The following FAM120A variants were observed in gnomAD, a reference collection of about 807,000 sequenced individuals.
The protein encoded by FAM120A is constitutive coactivator of PPAR-gamma-like protein 1.
Under a neutral mutation model 109.7 loss-of-function variants are expected in FAM120A, and 15 were observed. The observed-to-expected ratio is 0.14, with a 90% CI of 0.09 to 0.21. FAM120A has a LOEUF of 0.21. Ranked by LOEUF, FAM120A falls within the 10% of genes least tolerant of loss-of-function variation. The pLI is 1.00. For missense variants in FAM120A, 899 were observed against 1,439.3 expected (o/e 0.62, Z 6.07); for synonymous variants, 493 against 572.8 (o/e 0.86, Z 1.99).
At position 93,488,718 on chromosome 9, in the gene FAM120A, C is replaced by T. The variant is rs139911419; in HGVS notation, c.805-8753C>T. 9.9e-5 allele frequency among the ~76,000 whole-genome samples: 15 copies of T among 152,208 alleles called. No homozygotes were observed. In the East Asian group the frequency reaches 2.9e-3, roughly 29 times the overall value. On this transcript the variant is annotated intron_variant, in intron 3 of 17. Transcript: ENST00000277165. ...TACCACCACCGACCCTGCCATTCAT[C>T]CAAGGTAGAACTTGGGAGTCATCTT...
intron 3 of FAM120A, among the ~76,000 whole-genome samples, chr9:93,479,266 T>G (rs936811660): frequency 9.2e-5 from 14 of 151,788 alleles, no homozygotes; most frequent in Admixed American, 9.2e-4. Context: ...GCCCGGCTAA[T>G]TTTTTGTATT....
rs551283291 is a variant in FAM120A, at chr9:93,521,888, G to A, written c.1419-5267G>A. ...AGATCACTTGAGGTCAGAAGTTCAA[G>A]ACCAACATGGTGAAACCCTTTCTCT... On this transcript the variant is annotated intron_variant, in intron 7 of 17. Coordinates refer to ENST00000277165, the MANE Select transcript of FAM120A (RefSeq NM_014612.5). Among the ~76,000 whole-genome samples the A allele has an allele frequency of 4.4e-4, 67 of 152,298 alleles. 1 individual carries two copies. The highest frequency in any genetic ancestry group is 3.4e-3 in the Middle Eastern group (1 of 294).
intron 1 of FAM120A, among the ~76,000 whole-genome samples, chr9:93,465,138 C>T (rs1159000367): frequency 6.6e-6 from 1 of 152,276 alleles, no homozygotes; most frequent in African/African-American, 2.4e-5. Context: ...CAGTACTTAA[C>T]GTTTATTCTT....
chr9:93,516,259 G>A lies in FAM120A; in HGVS notation c.1408G>A (p.Gly470Arg). 6.2e-7 allele frequency: 1 copy of A among 1,611,148 alleles called. No individual in the cohort carries two copies. Among genetic ancestry groups the A allele is most frequent in the Non-Finnish European group, 8.5e-7 (1 of 1,178,038 alleles). ...SSSDNDEGSG[G>R]ATNHISGNKI... Reference sequence around the variant, plus strand: ...TTCCGACAACGACGAGGGCAGCGGAGGGGCGACAAAGTGAGTGGTGCGTGG... The same window carrying A: ...TTCCGACAACGACGAGGGCAGCGGAAGGGCGACAAAGTGAGTGGTGCGTGG... Residue 470 changes from glycine to arginine, a missense_variant, in exon 7 of 18, where the codon GGG becomes AGG. This residue lies in a region of FAM120A where 31 missense variants were observed against 71.8 expected (regional missense o/e 0.43). Transcript: ENST00000277165.
chr9:93,478,105 A>C (rs893908662), intron 3 of FAM120A, among the ~76,000 whole-genome samples: 1 of 152,224 alleles, frequency 6.6e-6, no homozygotes, highest in Non-Finnish European at 1.5e-5. Flanking sequence ...CTTCCTAAAA[A>C]TAAGGACATT....
chr9:93,481,897 C>T (rs1021945444), intron 3 of FAM120A, among the ~76,000 whole-genome samples: 81 of 152,286 alleles, frequency 5.3e-4, no homozygotes, highest in African/African-American at 1.8e-3. Context: ...GGTCCTGGGC[C>T]AGGCTGCACC....
At position 93,452,566 on chromosome 9, in the gene FAM120A, G is replaced by A; in HGVS notation, c.474+177G>A. The A allele has an allele frequency of 6.3e-7, 1 of 1,590,426 alleles. No homozygotes were observed. Among genetic ancestry groups the A allele is most frequent in the Non-Finnish European group, 8.5e-7 (1 of 1,175,414 alleles). ...GCAAGATGGATGGCCGCGGGTGCAG[G>A]CCGCGCGCTGCCCAAGCCCGTCTCC... is the stretch of plus-strand genomic sequence containing the variant. On this transcript the variant is annotated intron_variant, in intron 1 of 17. Coordinates refer to ENST00000277165, the MANE Select transcript of FAM120A (RefSeq NM_014612.5). This position sits in a 1 kb window ranked among gnomAD's most constrained non-coding sequence, Gnocchi z 7.0.
chr9:93,504,506 C>T (rs754474955), intron 5 of FAM120A, among the ~76,000 whole-genome samples: 6 of 152,106 alleles, frequency 3.9e-5, no homozygotes, highest in Non-Finnish European at 8.8e-5. Flanking sequence ...ATAATTTTAT[C>T]GTGTCTGTAT....
intron 1 of FAM120A, among the ~76,000 whole-genome samples, chr9:93,460,339 A>G: frequency 6.6e-6 from 1 of 152,038 alleles, no homozygotes. Context: ...TTCATCGTTT[A>G]TTTCCTTTTC....
At position 93,558,717 on chromosome 9, in the gene FAM120A, C is replaced by T. The variant is rs946303266; in HGVS notation, c.2805C>T (p.Gly935=). ...SDSSRTSKSQ[G]GVQPIPSQGG... The stretch of plus-strand genomic sequence containing the variant: ...GCAGCAGGACTAGCAAGTCCCAGGG[C>T]GGTAATTATACCCACCCCTTCCCAG... Residue 935 remains glycine, a splice_region_variant and synonymous_variant, in exon 15 of 18, where the codon GGC becomes GGT. Transcript: ENST00000277165. 6.2e-6 allele frequency: 10 copies of T among 1,613,470 alleles called. No individual in the cohort carries two copies. Among genetic ancestry groups the T allele is most frequent in the Admixed American group, 3.3e-5 (2 of 59,994 alleles).
Position 93,532,412 on chromosome 9 carries a change from T to C in FAM120A, c.1909+83T>C. The C allele has an allele frequency of 6.7e-7, 1 of 1,499,184 alleles. No homozygotes were observed. Among genetic ancestry groups the C allele is most frequent in the Admixed American group, 1.7e-5 (1 of 59,612 alleles). The allele number at this position is 1,499,184 out of a possible 1,614,324, so 92.9% of individuals were successfully genotyped here. A position where few individuals can be genotyped will look rare whatever the true frequency, so the allele number is the denominator to read the frequency against. On this transcript the variant is annotated intron_variant, in intron 10 of 17. Coordinates refer to ENST00000277165, the MANE Select transcript of FAM120A (RefSeq NM_014612.5). This position sits in a 1 kb window ranked among gnomAD's most constrained non-coding sequence, Gnocchi z 4.3. ...ATTTTCTAAAGCCTTAGAAGAATCA[T>C]GACTGAGTTGACCCCGAGTGCCTCT...
At chr9:93,547,900 A>C (rs1861945569) in intron 11 of FAM120A, among the ~76,000 whole-genome samples, 1 of 152,164 alleles carries the variant, frequency 6.6e-6, no homozygotes, top group African/African-American at 2.4e-5. Context: ...TGTATCCAGC[A>C]AGGTGTTCAG....
At chr9:93,497,384 C>G in intron 3 of FAM120A, 87 bp from the exon 4 acceptor site, 3 of 1,532,168 alleles carry the variant, frequency 2.0e-6, no homozygotes, top group Non-Finnish European at 2.7e-6. Flanking sequence ...ATGGTAGCTC[C>G]TTGTTGAATT....
Position 93,452,796 on chromosome 9 carries a change from A to C in FAM120A, c.474+407A>C. ...ATTTAGCCTGTTCTTTCCCAGCAACAGGTTCATCTTGGAAGCAGGCAGGAT... is the reference window on the plus strand; with the variant it reads ...ATTTAGCCTGTTCTTTCCCAGCAACCGGTTCATCTTGGAAGCAGGCAGGAT... On this transcript the variant is annotated intron_variant, in intron 1 of 17. Coordinates refer to ENST00000277165, the MANE Select transcript of FAM120A (RefSeq NM_014612.5). This position sits in a 1 kb window ranked among gnomAD's most constrained non-coding sequence, Gnocchi z 7.0. 1 of 1,590,238 alleles carries C rather than the reference A, an allele frequency of 6.3e-7. No individual in the cohort carries two copies. The highest frequency in any genetic ancestry group is 1.1e-5 in the South Asian group (1 of 89,738).
At chr9:93,557,409 C>T (rs970288977) in intron 13 of FAM120A, among the ~76,000 whole-genome samples, 10 of 152,080 alleles carry the variant, frequency 6.6e-5, no homozygotes, top group Admixed American at 2.6e-4. Flanking sequence ...GGATTACAGG[C>T]GTGAGCTGTT....
chr9:93,531,799 C>G, intron 9 of FAM120A, among the ~76,000 whole-genome samples: 1 of 152,228 alleles, frequency 6.6e-6, no homozygotes. Context: ...ACCATCCCAA[C>G]TCTCTAAATA....
At chr9:93,462,560 G>A (rs1241939063) in intron 1 of FAM120A, among the ~76,000 whole-genome samples, 6 of 152,166 alleles carry the variant, frequency 3.9e-5, no homozygotes, top group Admixed American at 6.5e-5. Flanking sequence ...GAGATTATAG[G>A]TGTGAGCCAC....
At chr9:93,523,917 TG>T (rs1379142499) in intron 7 of FAM120A, among the ~76,000 whole-genome samples, 1 of 152,232 alleles carries the variant, frequency 6.6e-6, no homozygotes, top group Non-Finnish European at 1.5e-5. Flanking sequence ...GTAGCTTCCC[TG>T]GTCAGGGCAC....
At chr9:93,514,546 C>T (rs1588867210) in intron 5 of FAM120A, among the ~76,000 whole-genome samples, 1 of 152,332 alleles carries the variant, frequency 6.6e-6, no homozygotes, top group African/African-American at 2.4e-5. Flanking sequence ...TTCTCTGTGT[C>T]TTCAGCAGTG....
Sources: allele counts gnomAD v4.1 joint callset (sites outside exome capture counted in the v4.1 genomes callset), GRCh38; gene constraint gnomAD v4.1.1; regional missense constraint gnomAD v4.1.1; non-coding constraint Gnocchi (gnomAD v3.1); transcripts MANE v1.5; gene names NCBI Gene and HGNC (gene_info 2026-07-23, HGNC 2026-07-21).